Variants in PRKG1 observed in about 807,000 individuals in gnomAD.
The protein encoded by PRKG1 is cGMP-dependent protein kinase 1.
PRKG1 carries 35 observed loss-of-function variants against 88.1 expected under a neutral mutation model. That is an observed-to-expected ratio of 0.40 (90% confidence interval 0.30 to 0.53). PRKG1 has a LOEUF of 0.53. PRKG1 is among the 20% of genes least tolerant of loss of function. The pLI is 0.59. For missense variants in PRKG1, 540 were observed against 839.8 expected (o/e 0.64, Z 4.41); for synonymous variants, 303 against 292.5 (o/e 1.04, Z -0.37).
intron 9 of PRKG1, among the ~76,000 whole-genome samples, chr10:52,165,410 T>C (rs1324701203): frequency 6.6e-6 from 1 of 152,118 alleles, no homozygotes; most frequent in Non-Finnish European, 1.5e-5. Context: ...TACTTTCATT[T>C]TGTATTTAAG....
At position 52,071,625 on chromosome 10, in the gene PRKG1, C is replaced by T. The variant is rs538447934; in HGVS notation, c.935+8994C>T. Among the ~76,000 whole-genome samples, 22 of 118,978 alleles carry T rather than the reference C, an allele frequency of 1.8e-4. No individual in the cohort carries two copies. The South Asian group carries it at 2.5e-3, about 14-fold the overall frequency. The allele number at this position is 118,978 out of a possible 152,430, so 78.1% of individuals were successfully genotyped here. ...TTGTCACTTCCACCAACTTTCCTTCCGTGTGTGGTTTAGTATAGCTGAGGT... is the reference window on the plus strand; with the variant it reads ...TTGTCACTTCCACCAACTTTCCTTCTGTGTGTGGTTTAGTATAGCTGAGGT... On this transcript the variant is annotated intron_variant, in intron 7 of 17. Coordinates refer to ENST00000373980, the MANE Select transcript of PRKG1 (RefSeq NM_006258.4).
chr10:51,032,811 T>C (rs1843301274), intron 1 of PRKG1, among the ~76,000 whole-genome samples: 1 of 152,146 alleles, frequency 6.6e-6, no homozygotes, highest in African/African-American at 2.4e-5. Context: ...CATATGTGTG[T>C]TTATTCTAAG....
At chr10:51,626,751 G>C (rs1475159716) in intron 3 of PRKG1, among the ~76,000 whole-genome samples, 1 of 152,178 alleles carries the variant, frequency 6.6e-6, no homozygotes, top group African/African-American at 2.4e-5. Flanking sequence ...CTTGGGGACT[G>C]ATTGGTCAGT....
chr10:51,712,950 C>T (rs1030863015), intron 3 of PRKG1, among the ~76,000 whole-genome samples: 2 of 147,788 alleles, frequency 1.4e-5, no homozygotes, highest in African/African-American at 5.0e-5. Flanking sequence ...ACTGCTCATT[C>T]TACCTACACA....
chr10:51,980,578 G>A (rs1051320983), intron 5 of PRKG1, among the ~76,000 whole-genome samples: 10 of 152,168 alleles, frequency 6.6e-5, no homozygotes, highest in African/African-American at 2.4e-4. Flanking sequence ...CTGTCAATGG[G>A]GTGTTAAAGT....
intron 5 of PRKG1, among the ~76,000 whole-genome samples, chr10:51,952,110 C>T (rs1034064499): frequency 2.0e-5 from 3 of 152,096 alleles, no homozygotes; most frequent in African/African-American, 7.2e-5. Flanking sequence ...TGGCTCTTTA[C>T]AGAAAAAGCT....
chr10:51,800,053 T>C (rs1476758535), intron 3 of PRKG1, among the ~76,000 whole-genome samples: 2 of 152,118 alleles, frequency 1.3e-5, no homozygotes, highest in African/African-American at 4.8e-5. Flanking sequence ...ATGTAAATTA[T>C]ATTAAGATAT....
In PRKG1 at chr10:51,670,640, G is replaced by A. The variant is rs934170934; in HGVS notation, c.593-133945G>A. Among the ~76,000 whole-genome samples the A allele has an allele frequency of 3.4e-5, 5 of 148,742 alleles. No individual in the cohort carries two copies. The East Asian group carries it at 9.7e-4, about 29-fold the overall frequency. The stretch of plus-strand genomic sequence containing the variant: ...AGTCCCAGCTACTTGGGAGGCTGAG[G>A]CAGGAGAATGGCGTGAACCCGGGAG... On this transcript the variant is annotated intron_variant, in intron 3 of 17. Transcript: ENST00000373980.
At chr10:51,869,036 GTCTTTT>G (rs1841089456) in intron 4 of PRKG1, among the ~76,000 whole-genome samples, 1 of 152,084 alleles carries the variant, frequency 6.6e-6, no homozygotes, top group Non-Finnish European at 1.5e-5. Flanking sequence ...TATTTATTGG[GTCTTTT>G]TCTTTTACGG....
At chr10:51,579,358 T>C (rs926408286) in intron 3 of PRKG1, among the ~76,000 whole-genome samples, 17 of 152,080 alleles carry the variant, frequency 1.1e-4, no homozygotes, top group South Asian at 4.1e-4. Flanking sequence ...AATACACATA[T>C]AGAAAAGATG....
intron 3 of PRKG1, among the ~76,000 whole-genome samples, chr10:51,741,852 T>C (rs1001249544): frequency 6.6e-6 from 1 of 152,200 alleles, no homozygotes; most frequent in African/African-American, 2.4e-5. Context: ...TTTAAATTGG[T>C]ATTTGGAACA....
chr10:50,996,700 C>T (rs979872313), intron 1 of PRKG1, among the ~76,000 whole-genome samples: 1 of 152,186 alleles, frequency 6.6e-6, no homozygotes, highest in African/African-American at 2.4e-5. Context: ...ACCTTGGTTG[C>T]CTCCTTTGAA....
chr10:51,632,535 A>C (rs1189957655), intron 3 of PRKG1, among the ~76,000 whole-genome samples: 1 of 152,196 alleles, frequency 6.6e-6, no homozygotes, highest in Non-Finnish European at 1.5e-5. Context: ...TTCTTACATT[A>C]GCATCCATTC....
At chr10:52,003,392 A>G (rs191059377) in intron 5 of PRKG1, among the ~76,000 whole-genome samples, 1 of 152,176 alleles carries the variant, frequency 6.6e-6, no homozygotes, top group African/African-American at 2.4e-5. Context: ...TTGCAAATCC[A>G]GGTGTTCAAT....
chr10:51,964,029 G>GA (rs1200795505), intron 5 of PRKG1, among the ~76,000 whole-genome samples: 3 of 152,194 alleles, frequency 2.0e-5, no homozygotes, highest in Non-Finnish European at 2.9e-5. Flanking sequence ...AAGTTCCATG[G>GA]AAAAAATCTG....
intron 9 of PRKG1, among the ~76,000 whole-genome samples, chr10:52,200,044 G>GTT (rs1839623085): frequency 6.6e-6 from 1 of 151,912 alleles, no homozygotes; most frequent in Non-Finnish European, 1.5e-5. Context: ...TCATTTTCTT[G>GTT]TTTTTGTTAT....
intron 2 of PRKG1, among the ~76,000 whole-genome samples, chr10:51,346,161 C>CA (rs1842108724): frequency 6.6e-6 from 1 of 152,010 alleles, no homozygotes; most frequent in South Asian, 2.1e-4. Context: ...CGCTGAATTC[C>CA]AAAAAAGTCG....
intron 9 of PRKG1, among the ~76,000 whole-genome samples, chr10:52,169,397 C>T (rs1487596761): frequency 6.6e-6 from 1 of 152,138 alleles, no homozygotes; most frequent in Non-Finnish European, 1.5e-5. Context: ...CCTCACATGG[C>T]AGAAGGAACA....
chr10:51,204,163 C>T (rs1302627201), intron 2 of PRKG1, among the ~76,000 whole-genome samples: 1 of 152,072 alleles, frequency 6.6e-6, no homozygotes, highest in African/African-American at 2.4e-5. Flanking sequence ...TTCTGATGGG[C>T]CTCTGGATTC....
Sources: gnomAD v4.1 joint callset for allele counts (sites outside exome capture counted in the v4.1 genomes callset) on GRCh38, gnomAD v4.1.1 for gene constraint, MANE v1.5 for transcripts, NCBI Gene and HGNC (gene_info 2026-07-23, HGNC 2026-07-21) for gene names.